CLK1: variants seen among roughly 807,000 people sequenced by gnomAD.
CLK1 encodes the protein CDC like kinase 1, also known as dual specificity protein kinase CLK1.
CLK1 carries 40 observed loss-of-function variants against 60.9 expected under a neutral mutation model. That is an observed-to-expected ratio of 0.66 (90% confidence interval 0.51 to 0.86). The LOEUF is 0.86. Ranked by LOEUF, CLK1 falls within the 40% of genes least tolerant of loss-of-function variation. The probability of loss-of-function intolerance (pLI) is 0.00; values close to 1 mark genes in which losing one functional copy is unlikely to be tolerated. For missense variants in CLK1, 563 were observed against 606.1 expected, an observed-to-expected ratio of 0.93 and a Z score of 0.75; for synonymous variants, 203 against 184.4, an observed-to-expected ratio of 1.10 and a Z score of -0.82.
chr2:200,857,639 T>C, intron 7 of CLK1, 79 bp downstream of exon 7: 1 of 1,200,126 alleles, frequency 8.3e-7, no homozygotes, highest in African/African-American at 1.5e-5. Context: ...AAATAAAAAT[T>C]GTACACACTT....
chr2:200,860,910 C>G (rs1359662835), intron 3 of CLK1: 3 of 1,100,374 alleles, frequency 2.7e-6, no homozygotes, highest in Non-Finnish European at 2.2e-6. Context: ...TTCAATAGAT[C>G]AAAACTAATC....
chr2:200,856,666 G>A lies in CLK1; in HGVS notation c.1057+16C>T. 1 of 1,544,934 alleles carries A rather than the reference G, an allele frequency of 6.5e-7. No homozygotes were observed. Among genetic ancestry groups the A allele is most frequent in the Non-Finnish European group, 8.7e-7 (1 of 1,148,494 alleles). On this transcript the variant is annotated intron_variant, in intron 9 of 12. Coordinates refer to ENST00000321356, the MANE Select transcript of CLK1 (RefSeq NM_004071.4). Reference sequence around the variant, plus strand: ...TAAGGAAATACAAAGGTTCTCAAAGGACAATTAATACTCACCTAAAATAAC... The same window carrying A: ...TAAGGAAATACAAAGGTTCTCAAAGAACAATTAATACTCACCTAAAATAAC...
At chr2:200,861,538 A>AC in intron 2 of CLK1, 72 bp from the exon 3 acceptor site, 1 of 1,574,406 alleles carries the variant, frequency 6.4e-7, no homozygotes, top group South Asian at 1.2e-5. Context: ...TCAAGACAGC[A>AC]CCTAGACTCC....
rs1575075460 is a variant in CLK1, at chr2:200,854,947, T to C, written c.1140+57A>G. 9 of 1,334,346 alleles carry C rather than the reference T, an allele frequency of 6.7e-6. No individual in the cohort carries two copies. In the South Asian group the frequency reaches 1.1e-4, roughly 17 times the overall value. 82.7% of individuals were successfully genotyped at this position (1,334,346 alleles called of 1,614,324 possible). The stretch of plus-strand genomic sequence containing the variant: ...TGGGGGAAGCAAAAGTATTTATTCA[T>C]ATAAACAGGCACCTTTCTTGTGCAA... On this transcript the variant is annotated intron_variant, in intron 10 of 12. Transcript: ENST00000321356.
chr2:200,856,843 T>A (rs1252653917), intron 8 of CLK1, 32 bp from the exon 9 acceptor site: 5 of 1,613,336 alleles, frequency 3.1e-6, no homozygotes, highest in African/African-American at 1.3e-5. Flanking sequence ...TAAGAAGGCA[T>A]AAGCTATTAA....
At chr2:200,855,184 ATGT>A in intron 9 of CLK1, 98 bp from the exon 10 acceptor site, 2 of 885,822 alleles carry the variant, frequency 2.3e-6, no homozygotes, top group Non-Finnish European at 3.5e-6. Context: ...AAAAAAACAC[ATGT>A]AATGTAGGCT....
rs761245953 is a variant in CLK1 at position 200,858,040 on chromosome 2, A to T, written c.598T>A (p.Cys200Ser). The change falls in exon 6 of 13, where the codon TGT becomes AGT. Residue 200 changes from cysteine to serine, a missense_variant. Transcript: ENST00000321356. ...VKIVKNVDRY[C>S]EAARSEIQVL... Reference sequence around the variant, plus strand: ...TGTATTTCTGAGCGAGCAGCTTCACAGTATCTATCCACATTTTTAACTATT... The same window carrying T: ...TGTATTTCTGAGCGAGCAGCTTCACTGTATCTATCCACATTTTTAACTATT... 1 of 1,613,948 alleles carries T rather than the reference A, an allele frequency of 6.2e-7. No homozygotes were observed. Among genetic ancestry groups the T allele is most frequent in the Admixed American group, 1.7e-5 (1 of 60,012 alleles).
At position 200,857,487 on chromosome 2, in the gene CLK1, A is replaced by G. The variant is rs747927292; in HGVS notation, c.832+231T>C. 5.0e-5 allele frequency: 19 copies of G among 382,398 alleles called. No homozygotes were observed. In the South Asian group the frequency reaches 6.4e-4, roughly 13 times the overall value. 23.7% of individuals were successfully genotyped at this position (382,398 alleles called of 1,614,324 possible). ...CGAAGTTACTATTTTTGCGCATCAGAAAAGTCTAAATCATAGTCTGCAACA... is the reference window on the plus strand; with the variant it reads ...CGAAGTTACTATTTTTGCGCATCAGGAAAGTCTAAATCATAGTCTGCAACA... On this transcript the variant is annotated intron_variant, in intron 7 of 12. Transcript: ENST00000321356.
intron 5 of CLK1, chr2:200,858,303 A>T (rs2039076740): frequency 1.8e-6 from 1 of 555,082 alleles, no homozygotes; most frequent in African/African-American, 1.9e-5. Context: ...TCAGCTAAAC[A>T]ACTTCTTCCT....
In CLK1 at chr2:200,859,805, A is replaced by G. The variant is rs983925294; in HGVS notation, c.482-59T>C. ...GAAGTGGAAACAATGTACTTATCAC[A>G]ATAAATGCTATCAATGTAGATTATT... On this transcript the variant is annotated intron_variant, in intron 4 of 12. Transcript: ENST00000321356. 1.9e-6 allele frequency: 3 copies of G among 1,598,720 alleles called. No homozygotes were observed. In the African/African-American group the frequency reaches 4.0e-5, roughly 21 times the overall value.
intron 5 of CLK1, among the ~76,000 whole-genome samples, chr2:200,858,397 G>A (rs1227468555): frequency 8.5e-5 from 13 of 152,194 alleles, no homozygotes; most frequent in Admixed American, 8.5e-4. Flanking sequence ...AGTGGGGAAA[G>A]AGTAAAGAGC....
At chr2:200,860,825 T>C (rs1305731999) in intron 3 of CLK1, 3 of 1,036,686 alleles carry the variant, frequency 2.9e-6, no homozygotes, top group African/African-American at 3.5e-5. Context: ...TTAGAAAACA[T>C]GACTTGTTAG....
Position 200,856,717 on chromosome 2 carries a change from G to A in CLK1, c.1022C>T (p.Ser341Phe), listed in dbSNP as rs1380401747. The change falls in exon 9 of 13, where the codon TCT becomes TTT. Residue 341 changes from serine to phenylalanine, a missense_variant. Physicochemically the swap from Ser to Phe is radical, Grantham distance 155. Around this residue, in one of 3 missense-constraint regions of CLK1, gnomAD observed 360 missense variants for 407.0 expected, o/e 0.88. Coordinates refer to ENST00000321356, the MANE Select transcript of CLK1 (RefSeq NM_004071.4). ...TTCAGGTGCTCTATAATGTCTTGTA[G>A]ATACCAATGTACTGTGATGTTCGTC... Reference protein sequence around the residue: ...YDDEHHSTLVSTRHYRAPEVI... With the variant: ...YDDEHHSTLVFTRHYRAPEVI... The A allele has an allele frequency of 1.2e-6, 2 of 1,610,242 alleles. No individual in the cohort carries two copies. The highest frequency in any genetic ancestry group is 1.7e-6 in the Non-Finnish European group (2 of 1,178,600).
At chr2:200,858,257 T>C in intron 5 of CLK1, 168 bp from the exon 6 acceptor site, 4 of 620,198 alleles carry the variant, frequency 6.4e-6, no homozygotes, top group Non-Finnish European at 1.2e-5. Flanking sequence ...ATTTCTTTCA[T>C]CAAACCACCA....
chr2:200,853,506 A>G, intron 12 of CLK1, 57 bp from the exon 13 acceptor site: 1 of 1,431,010 alleles, frequency 7.0e-7, no homozygotes, highest in South Asian at 1.3e-5. Context: ...TGACTACACT[A>G]TGTAACAGTA....
chr2:200,855,465 CAAA>C (rs1559326025), intron 9 of CLK1, among the ~76,000 whole-genome samples: 1 of 152,008 alleles, frequency 6.6e-6, no homozygotes, highest in Admixed American at 6.6e-5. Context: ...ACTAAAAATA[CAAA>C]AACAAAATTA....
At chr2:200,859,283 T>C (rs909587761) in intron 5 of CLK1, among the ~76,000 whole-genome samples, 2 of 152,192 alleles carry the variant, frequency 1.3e-5, no homozygotes, top group East Asian at 1.9e-4. Flanking sequence ...ATTACAGCAC[T>C]TCCTAAAAAT....
At chr2:200,855,408 G>A (rs2039021982) in intron 9 of CLK1, among the ~76,000 whole-genome samples, 1 of 151,832 alleles carries the variant, frequency 6.6e-6, no homozygotes. Flanking sequence ...GGAACACGAG[G>A]GCAGGAGATC....
In CLK1 at chr2:200,853,679, G is replaced by GAAAAAAAAAAA. The variant is rs34449560; in HGVS notation, c.1311+213_1311+223dup. Among the ~76,000 whole-genome samples, 25 of 49,118 alleles carry GAAAAAAAAAAA rather than the reference G, an allele frequency of 5.1e-4. 1 individual carries two copies. The highest frequency in any genetic ancestry group is 2.2e-3 in the African/African-American group (24 of 11,130). 32.2% of individuals were successfully genotyped at this position (49,118 alleles called of 152,430 possible). On this transcript the variant is annotated intron_variant, in intron 12 of 12. Transcript: ENST00000321356. ...AACATAGTAAAACTTGTCTTTACTTGAAAAAAAAAAAAAAAAAAAAAAAAA... is the reference window on the plus strand; with the variant it reads ...AACATAGTAAAACTTGTCTTTACTTGAAAAAAAAAAAAAAAAAAAAAAAAAAAAAAAAAAAA...
Sources: gnomAD v4.1 joint callset for allele counts (sites outside exome capture counted in the v4.1 genomes callset) on GRCh38, gnomAD v4.1.1 for gene constraint, gnomAD v4.1.1 regional missense constraint, MANE v1.5 for transcripts, NCBI Gene and HGNC (gene_info 2026-07-23, HGNC 2026-07-21) for gene names.